The following GDPD1 variants were observed in gnomAD, a reference collection of about 807,000 sequenced individuals.
GDPD1 encodes the protein lysophospholipase D GDPD1.
A neutral mutation model predicts 45.1 loss-of-function variants in GDPD1; 28 were observed. The ratio of observed to expected loss-of-function variants is 0.62; its 90% CI spans 0.46 to 0.85. The LOEUF is 0.85. GDPD1 is among the 40% of genes least tolerant of loss of function. The probability of loss-of-function intolerance (pLI) is 0.00; values close to 1 mark genes in which losing one functional copy is unlikely to be tolerated. For missense variants in GDPD1, 256 were observed against 364.8 expected (o/e 0.70, Z 2.43); for synonymous variants, 139 against 131.4 (o/e 1.06, Z -0.40).
chr17:59,258,872 A>C (rs576439557), intron 6 of GDPD1, among the ~76,000 whole-genome samples: 3 of 152,196 alleles, frequency 2.0e-5, no homozygotes, highest in South Asian at 4.1e-4. Context: ...CTGTAATCCT[A>C]GCACTTTGGG....
chr17:59,246,561 T>C (rs1318799254), intron 3 of GDPD1, among the ~76,000 whole-genome samples: 2 of 151,090 alleles, frequency 1.3e-5, no homozygotes, highest in African/African-American at 2.4e-5. Context: ...ATAGAAAAAT[T>C]AGCCGGGCAT....
intron 2 of GDPD1, among the ~76,000 whole-genome samples, chr17:59,244,615 G>C (rs2047197614): frequency 6.6e-6 from 1 of 152,118 alleles, no homozygotes; most frequent in Non-Finnish European, 1.5e-5. Context: ...TTACAGGTGT[G>C]AGCTACCGTG....
chr17:59,274,504 C>T lies in GDPD1; in HGVS notation c.*731C>T, dbSNP rs1251348415. ...CTCCAGCCTGGGAGACAGAGTGAGA[C>T]TCCGTCTCAAAAAAAAAAAAAAAAA... On this transcript the variant is annotated 3_prime_UTR_variant, in exon 10 of 10. Transcript: ENST00000284116. The T allele has an allele frequency of 8.2e-6, 1 of 121,296 alleles. No individual in the cohort carries two copies. Among genetic ancestry groups the T allele is most frequent in the East Asian group, 2.3e-4 (1 of 4,294 alleles). The allele number at this position is 121,296 out of a possible 1,614,324, so 7.5% of individuals were successfully genotyped here.
intron 2 of GDPD1, among the ~76,000 whole-genome samples, chr17:59,241,023 T>A (rs1036042109): frequency 6.6e-6 from 1 of 152,330 alleles, no homozygotes; most frequent in Non-Finnish European, 1.5e-5. Flanking sequence ...CTGTGTTACA[T>A]TTGCCTGTAG....
chr17:59,235,085 T>C (rs1445543624), intron 2 of GDPD1, among the ~76,000 whole-genome samples: 2 of 151,988 alleles, frequency 1.3e-5, no homozygotes, highest in Non-Finnish European at 2.9e-5. Context: ...GAATGAAAAC[T>C]AATTAATACC....
Position 59,240,032 on chromosome 17 carries a change from CCTGTAATCCCAGCA to C in GDPD1, c.186-5379_186-5366del. Reference sequence around the variant, plus strand: ...CTTTGGCTGGGTGCAGTGCCTCATGCCTGTAATCCCAGCACTTTGGGAGGCCGAGGCGGGCAGAT... The same window carrying C: ...CTTTGGCTGGGTGCAGTGCCTCATGCCTTTGGGAGGCCGAGGCGGGCAGAT... On this transcript the variant is annotated intron_variant, in intron 2 of 9. Transcript: ENST00000284116. Among the ~76,000 whole-genome samples, 3 of 152,138 alleles carry C rather than the reference CCTGTAATCCCAGCA, an allele frequency of 2.0e-5. No individual in the cohort carries two copies. The South Asian group carries it at 6.2e-4, about 32-fold the overall frequency.
chr17:59,262,629 G>GT (rs144444466), intron 6 of GDPD1, among the ~76,000 whole-genome samples: 38,008 of 131,012 alleles, frequency 0.29, 5,444 homozygotes, highest in Middle Eastern at 0.43. Flanking sequence ...TCTTGGTTTT[G>GT]TTTTTTTTTG....
chr17:59,249,616 G>C (rs1043660595), intron 4 of GDPD1, among the ~76,000 whole-genome samples: 2 of 152,120 alleles, frequency 1.3e-5, no homozygotes, highest in Non-Finnish European at 2.9e-5. Flanking sequence ...TTCTCACAAA[G>C]AAACATGTCC....
chr17:59,224,411 A>T (rs1316919731), intron 1 of GDPD1, among the ~76,000 whole-genome samples: 2 of 152,140 alleles, frequency 1.3e-5, no homozygotes, highest in Non-Finnish European at 1.5e-5. Flanking sequence ...TCACGGAGTC[A>T]GGAAATCGAG....
At chr17:59,246,729 A>AAAAG (rs2047214917) in intron 3 of GDPD1, among the ~76,000 whole-genome samples, 3 of 150,180 alleles carry the variant, frequency 2.0e-5, no homozygotes, top group Non-Finnish European at 4.4e-5. Context: ...AAAAAAAAAA[A>AAAAG]AAAGAAACAT....
intron 2 of GDPD1, among the ~76,000 whole-genome samples, chr17:59,241,165 G>A (rs978461904): frequency 6.6e-6 from 1 of 152,160 alleles, no homozygotes; most frequent in African/African-American, 2.4e-5. Flanking sequence ...TGACAAAATT[G>A]ACCATACATT....
At chr17:59,229,941 T>C (rs1400933893) in intron 1 of GDPD1, among the ~76,000 whole-genome samples, 1 of 152,190 alleles carries the variant, frequency 6.6e-6, no homozygotes, top group East Asian at 1.9e-4. Context: ...TGCCAAGACC[T>C]ATATGCATTA....
At chr17:59,222,846 C>G (rs544425015) in intron 1 of GDPD1, among the ~76,000 whole-genome samples, 1 of 152,228 alleles carries the variant, frequency 6.6e-6, no homozygotes, top group South Asian at 2.1e-4. Flanking sequence ...TAGTCCTATT[C>G]TGGGGATAGG....
chr17:59,239,799 G>GT (rs79052817), intron 2 of GDPD1, among the ~76,000 whole-genome samples: 247 of 137,810 alleles, frequency 1.8e-3, no homozygotes, highest in Non-Finnish European at 2.4e-3. Context: ...AGGACACACT[G>GT]TTTTTTTTTT....
chr17:59,262,726 C>G (rs1011428100), intron 6 of GDPD1, among the ~76,000 whole-genome samples: 1 of 150,162 alleles, frequency 6.7e-6, no homozygotes, highest in Non-Finnish European at 1.5e-5. Context: ...CTTCCGGGTT[C>G]AAGCGATTTT....
intron 1 of GDPD1, among the ~76,000 whole-genome samples, chr17:59,229,134 A>G (rs561250484): frequency 7.7e-6 from 1 of 129,474 alleles, no homozygotes; most frequent in East Asian, 2.0e-4. Flanking sequence ...TATTATTATT[A>G]TTATTATTAT....
At chr17:59,231,053 G>A (rs2047085315) in intron 1 of GDPD1, among the ~76,000 whole-genome samples, 3 of 152,140 alleles carry the variant, frequency 2.0e-5, no homozygotes, top group African/African-American at 4.8e-5. Context: ...TACCAAAAAG[G>A]CATGCATGGG....
chr17:59,221,200 A>G (rs1368774337), intron 1 of GDPD1, among the ~76,000 whole-genome samples: 1 of 152,026 alleles, frequency 6.6e-6, no homozygotes, highest in Non-Finnish European at 1.5e-5. Flanking sequence ...CGAGGCGACG[A>G]GGAGGGCTGG....
At position 59,221,553 on chromosome 17, in the gene GDPD1, A is replaced by C. The variant is rs147305617; in HGVS notation, c.142+802A>C. On this transcript the variant is annotated intron_variant, in intron 1 of 9. Transcript: ENST00000284116. ...GGACAGGACAGTATTGTTTAAAGAAAACAAAAATAAGTTTCTTTTGGAAAA... is the reference window on the plus strand; with the variant it reads ...GGACAGGACAGTATTGTTTAAAGAACACAAAAATAAGTTTCTTTTGGAAAA... Among the ~76,000 whole-genome samples the C allele has an allele frequency of 3.1e-3, 474 of 152,284 alleles. 3 individuals carry two copies. The highest frequency in any genetic ancestry group is 0.011 in the African/African-American group (462 of 41,562).
Sources: allele counts gnomAD v4.1 joint callset (sites outside exome capture counted in the v4.1 genomes callset), GRCh38; gene constraint gnomAD v4.1.1; transcripts MANE v1.5; gene names NCBI Gene and HGNC (gene_info 2026-07-23, HGNC 2026-07-21).